Variants in MSI2 observed in about 807,000 individuals in gnomAD.
The protein encoded by MSI2 is RNA-binding protein Musashi homolog 2.
MSI2 carries 17 observed loss-of-function variants against 45.6 expected under a neutral mutation model. The ratio of observed to expected loss-of-function variants is 0.37; its 90% confidence interval spans 0.26 to 0.56. MSI2 has a LOEUF of 0.56. Ranked by LOEUF, MSI2 falls within the 20% of genes least tolerant of loss-of-function variation. The pLI is 0.77. For missense variants in MSI2, 293 were observed against 444.2 expected (o/e 0.66, Z 3.06); for synonymous variants, 156 against 158.2 (o/e 0.99, Z 0.11).
intron 5 of MSI2, among the ~76,000 whole-genome samples, chr17:57,294,199 G>C (rs756416665): frequency 6.6e-6 from 1 of 152,128 alleles, no homozygotes; most frequent in Non-Finnish European, 1.5e-5. Context: ...TTGGATATTT[G>C]TTTGACCTTT....
chr17:57,420,429 G>T (rs1368868208), intron 6 of MSI2, among the ~76,000 whole-genome samples: 1 of 152,178 alleles, frequency 6.6e-6, no homozygotes, highest in Admixed American at 6.5e-5. Context: ...AGCATGACAT[G>T]GTTTGAAAAT....
intron 5 of MSI2, among the ~76,000 whole-genome samples, chr17:57,373,856 A>C (rs1196638206): frequency 2.0e-5 from 3 of 152,268 alleles, no homozygotes; most frequent in Non-Finnish European, 4.4e-5. Flanking sequence ...CCATGTTGCC[A>C]GGGGAAATAG....
intron 5 of MSI2, among the ~76,000 whole-genome samples, chr17:57,352,291 C>A (rs749454131): frequency 6.6e-4 from 100 of 152,266 alleles, no homozygotes; most frequent in Non-Finnish European, 1.2e-3. Flanking sequence ...GGACCTAGGA[C>A]CATTTTGGTA....
chr17:57,610,191 G>A (rs184522030), intron 8 of MSI2, among the ~76,000 whole-genome samples: 89 of 152,222 alleles, frequency 5.8e-4, no homozygotes, highest in African/African-American at 2.0e-3. Flanking sequence ...AGTGGCTCAC[G>A]TCTGTAATCC....
intron 5 of MSI2, among the ~76,000 whole-genome samples, chr17:57,350,446 C>T (rs1354877607): frequency 6.6e-6 from 1 of 152,154 alleles, no homozygotes; most frequent in African/African-American, 2.4e-5. Flanking sequence ...TGGATGGCCT[C>T]TCCATGTGAT....
chr17:57,467,125 G>A (rs959114050), intron 6 of MSI2, among the ~76,000 whole-genome samples: 1 of 152,210 alleles, frequency 6.6e-6, no homozygotes, highest in Non-Finnish European at 1.5e-5. Context: ...ACTAAGATGA[G>A]GGTGCACAGA....
Position 57,615,984 on chromosome 17 carries a change from A to G in MSI2, c.552A>G (p.Lys184=), listed in dbSNP as rs1907647873. 4 of 1,614,080 alleles carry G rather than the reference A, an allele frequency of 2.5e-6. No individual in the cohort carries two copies. Among genetic ancestry groups the G allele is most frequent in the Non-Finnish European group, 3.4e-6 (4 of 1,179,890 alleles). The change falls in exon 9 of 14, where the codon AAA becomes AAG. Residue 184 remains lysine, a synonymous_variant. Transcript: ENST00000284073. The part of the protein sequence containing the change: ...EINNKMVECK[K]AQPKEVMFPP... The stretch of plus-strand genomic sequence containing the variant: ...CTGTTTAACAGGTAGAATGTAAGAA[A>G]GCTCAGCCGAAAGAAGTCATGTTCC...
At chr17:57,329,246 GA>G (rs1183713471) in intron 5 of MSI2, among the ~76,000 whole-genome samples, 3 of 152,202 alleles carry the variant, frequency 2.0e-5, no homozygotes, top group African/African-American at 7.2e-5. Context: ...AGGATTATTA[GA>G]GGAGGTTTTT....
intron 7 of MSI2, among the ~76,000 whole-genome samples, chr17:57,555,245 C>T (rs1268586886): frequency 6.6e-6 from 1 of 151,752 alleles, no homozygotes; most frequent in East Asian, 1.9e-4. Context: ...CTGCACCCAC[C>T]GCCATGCTCT....
At chr17:57,525,839 G>T (rs1291487575) in intron 6 of MSI2, among the ~76,000 whole-genome samples, 1 of 152,206 alleles carries the variant, frequency 6.6e-6, no homozygotes, top group African/African-American at 2.4e-5. Flanking sequence ...TGTAAGGCAG[G>T]TGAGCGCGTT....
chr17:57,701,091 A>G, the MSI2 span, among the ~76,000 whole-genome samples: 1 of 152,102 alleles, frequency 6.6e-6, no homozygotes, highest in Non-Finnish European at 1.5e-5. Flanking sequence ...AAGAGAAATG[A>G]ACAGATATGT....
chr17:57,657,980 G>T (rs1056481696), intron 11 of MSI2, among the ~76,000 whole-genome samples: 3 of 152,206 alleles, frequency 2.0e-5, no homozygotes, highest in African/African-American at 7.2e-5. Flanking sequence ...ACTGTTTCTG[G>T]CCTCAGAATG....
intron 5 of MSI2, among the ~76,000 whole-genome samples, chr17:57,388,667 T>C (rs1403439882): frequency 6.6e-6 from 1 of 152,186 alleles, no homozygotes; most frequent in Non-Finnish European, 1.5e-5. Flanking sequence ...TTCTTTTTCT[T>C]TTTTTTGGAG....
chr17:57,304,733 T>C (rs1414100636), intron 5 of MSI2, among the ~76,000 whole-genome samples: 1 of 152,106 alleles, frequency 6.6e-6, no homozygotes, highest in Non-Finnish European at 1.5e-5. Context: ...CAGGAGAAGC[T>C]ATTAAGAGTT....
chr17:57,624,794 G>A (rs150959437), intron 9 of MSI2, among the ~76,000 whole-genome samples: 122 of 152,276 alleles, frequency 8.0e-4, no homozygotes, highest in Non-Finnish European at 1.5e-3. Flanking sequence ...ATTTGGGCAC[G>A]TCACTGTTGC....
intron 4 of MSI2, among the ~76,000 whole-genome samples, chr17:57,261,289 T>C (rs1410693747): frequency 6.6e-6 from 1 of 152,126 alleles, no homozygotes; most frequent in Non-Finnish European, 1.5e-5. Flanking sequence ...TCCACTCGGA[T>C]TGAGGTTGGG....
chr17:57,497,998 C>T (rs1239642602), intron 6 of MSI2, among the ~76,000 whole-genome samples: 2 of 152,168 alleles, frequency 1.3e-5, no homozygotes, highest in African/African-American at 4.8e-5. Context: ...AAAAAGGGAA[C>T]ATGTGGGATT....
At chr17:57,523,061 T>C (rs1322829245) in intron 6 of MSI2, among the ~76,000 whole-genome samples, 1 of 151,876 alleles carries the variant, frequency 6.6e-6, no homozygotes, top group Non-Finnish European at 1.5e-5. Context: ...TTTTTTTTTT[T>C]TTTTGAGGTG....
intron 5 of MSI2, among the ~76,000 whole-genome samples, chr17:57,349,877 G>C (rs1321983719): frequency 6.6e-6 from 1 of 152,194 alleles, no homozygotes; most frequent in East Asian, 1.9e-4. Context: ...AAAACTCAAA[G>C]GAGAGGTGAC....
Sources: gnomAD v4.1 joint callset for allele counts (sites outside exome capture counted in the v4.1 genomes callset) on GRCh38, gnomAD v4.1.1 for gene constraint, MANE v1.5 for transcripts, NCBI Gene and HGNC (gene_info 2026-07-23, HGNC 2026-07-21) for gene names.